Variants in RBPMS observed in about 807,000 individuals in gnomAD.
RBPMS encodes RNA-binding protein with multiple splicing.
Under a neutral mutation model 26.8 loss-of-function variants are expected in RBPMS, and 7 were observed. The ratio of observed to expected loss-of-function variants is 0.26; its 90% confidence interval spans 0.15 to 0.49. RBPMS has a LOEUF of 0.49. Ranked by LOEUF, RBPMS falls within the 20% of genes least tolerant of loss-of-function variation. RBPMS has a pLI of 0.98. For missense variants in RBPMS, 186 were observed against 250.0 expected, an observed-to-expected ratio of 0.74 and a Z score of 1.73; for synonymous variants, 96 against 93.3, an observed-to-expected ratio of 1.03 and a Z score of -0.17.
chr8:30,437,060 CTA>C (rs1279295194), intron 1 of RBPMS, among the ~76,000 whole-genome samples: 1 of 151,308 alleles, frequency 6.6e-6, no homozygotes, highest in Non-Finnish European at 1.5e-5. Context: ...GTAGCTGGGA[CTA>C]TAGGCGCCCG....
At chr8:30,436,590 G>A (rs1308718262) in intron 1 of RBPMS, among the ~76,000 whole-genome samples, 2 of 152,132 alleles carry the variant, frequency 1.3e-5, no homozygotes, top group Non-Finnish European at 2.9e-5. Flanking sequence ...TTCTATGCAA[G>A]AACAGGGGAG....
Position 30,479,347 on chromosome 8 carries a change from A to C in RBPMS, c.216A>C (p.Ser72=). The C allele has an allele frequency of 6.2e-7, 1 of 1,604,824 alleles. No homozygotes were observed. Among genetic ancestry groups the C allele is most frequent in the Non-Finnish European group, 8.5e-7 (1 of 1,177,650 alleles). Residue 72 remains serine (S), a synonymous_variant, in exon 4 of 9, where the codon TCA becomes TCC. Transcript: ENST00000397323. ...PVGFVSFDSR[S]EAEAAKNALN... ...GTTTTGTCAGTTTTGACAGTCGCTC[A>C]GAAGCAGAGGCTGCAAAGAATGCTT... is the stretch of plus-strand genomic sequence containing the variant.
intron 1 of RBPMS, among the ~76,000 whole-genome samples, chr8:30,454,300 C>G (rs1814946764): frequency 6.6e-6 from 1 of 152,142 alleles, no homozygotes. Flanking sequence ...CTTATTCATA[C>G]TATTGTCTGT....
intron 1 of RBPMS, among the ~76,000 whole-genome samples, chr8:30,441,421 G>T (rs1211279682): frequency 1.3e-5 from 2 of 152,136 alleles, no homozygotes; most frequent in Non-Finnish European, 2.9e-5. Context: ...AAACTTGGCA[G>T]AACTATTAGA....
intron 5 of RBPMS, among the ~76,000 whole-genome samples, chr8:30,509,552 G>A (rs1821375478): frequency 6.6e-6 from 1 of 152,148 alleles, no homozygotes; most frequent in Non-Finnish European, 1.5e-5. Flanking sequence ...TCATCTCTGC[G>A]GGACAAGGTC....
intron 4 of RBPMS, among the ~76,000 whole-genome samples, chr8:30,487,095 C>G (rs1390270179): frequency 6.6e-6 from 1 of 152,154 alleles, no homozygotes; most frequent in African/African-American, 2.4e-5. Context: ...TTTGCTAGAT[C>G]TTGTTTTGGC....
chr8:30,415,460 G>A (rs1809953361), intron 1 of RBPMS, among the ~76,000 whole-genome samples: 1 of 152,154 alleles, frequency 6.6e-6, no homozygotes, highest in Non-Finnish European at 1.5e-5. Context: ...GTGTCCACTT[G>A]CCAGATGGTC....
intron 5 of RBPMS, among the ~76,000 whole-genome samples, chr8:30,521,262 GGTTT>G (rs1822990385): frequency 3.3e-5 from 5 of 152,058 alleles, no homozygotes; most frequent in Admixed American, 3.3e-4. Flanking sequence ...GATATGGGTG[GGTTT>G]GTTTAACATT....
At chr8:30,461,603 G>A (rs560105718) in intron 1 of RBPMS, among the ~76,000 whole-genome samples, 2 of 152,192 alleles carry the variant, frequency 1.3e-5, no homozygotes, top group Admixed American at 1.3e-4. Context: ...CACCATGTTA[G>A]CCAGGATAGT....
At chr8:30,419,454 G>A (rs1331548015) in intron 1 of RBPMS, among the ~76,000 whole-genome samples, 16 of 143,172 alleles carry the variant, frequency 1.1e-4, no homozygotes, top group African/African-American at 2.9e-4. Context: ...TCAAAAATGT[G>A]TGTGTGTGTG....
chr8:30,535,982 C>CT (rs1824748029), intron 5 of RBPMS, among the ~76,000 whole-genome samples: 2 of 152,254 alleles, frequency 1.3e-5, no homozygotes, highest in South Asian at 2.1e-4. Context: ...GAGACCTTGT[C>CT]TCTAAAATAA....
chr8:30,451,654 G>A (rs1438364082), intron 1 of RBPMS, among the ~76,000 whole-genome samples: 3 of 152,102 alleles, frequency 2.0e-5, no homozygotes, highest in Non-Finnish European at 2.9e-5. Context: ...TTTTTTCCCA[G>A]CAGGCAACAG....
intron 6 of RBPMS, chr8:30,545,115 C>A (rs771399646): frequency 7.5e-7 from 1 of 1,336,356 alleles, no homozygotes; most frequent in South Asian, 1.3e-5. Flanking sequence ...GCTGTACTTT[C>A]TTAAATATGT....
At chr8:30,485,932 G>T (rs1818721442) in intron 4 of RBPMS, among the ~76,000 whole-genome samples, 1 of 152,182 alleles carries the variant, frequency 6.6e-6, no homozygotes. Context: ...GTTAAAAGTT[G>T]TTGTGAAAAA....
At chr8:30,419,798 A>G (rs921706068) in intron 1 of RBPMS, among the ~76,000 whole-genome samples, 1 of 152,196 alleles carries the variant, frequency 6.6e-6, no homozygotes, top group African/African-American at 2.4e-5. Context: ...GGTCCCAGTC[A>G]TTTCACATAA....
At chr8:30,528,498 T>C (rs1823849023) in intron 5 of RBPMS, among the ~76,000 whole-genome samples, 1 of 152,216 alleles carries the variant, frequency 6.6e-6, no homozygotes, top group Non-Finnish European at 1.5e-5. Context: ...AACATAGTTC[T>C]GGGAACTGGT....
intron 5 of RBPMS, among the ~76,000 whole-genome samples, chr8:30,533,366 A>C (rs1272918732): frequency 1.3e-5 from 2 of 152,224 alleles, no homozygotes; most frequent in Non-Finnish European, 2.9e-5. Flanking sequence ...TTTTGCACTG[A>C]AAATTTAATC....
chr8:30,557,750 G>A (rs553996146), intron 6 of RBPMS, among the ~76,000 whole-genome samples: 7 of 152,356 alleles, frequency 4.6e-5, no homozygotes, highest in South Asian at 2.1e-4. Context: ...AGACCATGCC[G>A]CCTCCATGTG....
At chr8:30,533,891 T>C (rs890894968) in intron 5 of RBPMS, among the ~76,000 whole-genome samples, 1 of 152,158 alleles carries the variant, frequency 6.6e-6, no homozygotes, top group African/African-American at 2.4e-5. Context: ...CCCAGCACTT[T>C]AGGAGGCCTA....
Sources: allele counts gnomAD v4.1 joint callset (sites outside exome capture counted in the v4.1 genomes callset), GRCh38; gene constraint gnomAD v4.1.1; transcripts MANE v1.5; gene names NCBI Gene and HGNC (gene_info 2026-07-23, HGNC 2026-07-21).